Variants in KALRN observed in about 807,000 individuals in gnomAD.
KALRN encodes kalirin RhoGEF kinase, also known as kalirin.
Under a neutral mutation model 353.7 loss-of-function variants are expected in KALRN, and 70 were observed. The observed-to-expected ratio is 0.20, with a 90% CI of 0.16 to 0.24. The LOEUF (loss-of-function observed/expected upper bound fraction) is 0.24. KALRN is among the 10% of genes least tolerant of loss of function. KALRN has a pLI of 1.00. For missense variants in KALRN, 2,791 were observed against 3,756.7 expected, an observed-to-expected ratio of 0.74 and a Z score of 6.72; for synonymous variants, 1,391 against 1,434.8, an observed-to-expected ratio of 0.97 and a Z score of 0.69.
intron 1 of KALRN, among the ~76,000 whole-genome samples, chr3:124,102,736 T>C (rs1460262687): frequency 6.6e-6 from 1 of 152,202 alleles, no homozygotes; most frequent in Non-Finnish European, 1.5e-5. Flanking sequence ...ATCCTTTGTA[T>C]TTTCACCTAG....
rs1214293775 is a variant in KALRN at position 124,197,073 on chromosome 3, C to T, written c.74-30917C>T. 2.0e-5 allele frequency among the ~76,000 whole-genome samples: 3 copies of T among 152,316 alleles called. 1 individual carries two copies. Among genetic ancestry groups the T allele is most frequent in the Middle Eastern group, 6.8e-3 (2 of 294 alleles). ...TGCTACCATCATTTATTTCACTACT[C>T]TCTTAGTGTTGGACATTTTGGATTT... On this transcript the variant is annotated intron_variant, in intron 1 of 59. Coordinates refer to ENST00000682506, the MANE Select transcript of KALRN (RefSeq NM_001388419.1).
chr3:124,152,529 C>T, intron 1 of KALRN: 1 of 699,050 alleles, frequency 1.4e-6, no homozygotes, highest in Non-Finnish European at 2.5e-6. Context: ...TGTTACAGTG[C>T]TTTTCTTTTT....
At chr3:124,228,390 C>T (rs568038058) in intron 2 of KALRN, among the ~76,000 whole-genome samples, 29 of 152,196 alleles carry the variant, frequency 1.9e-4, no homozygotes, top group Non-Finnish European at 3.8e-4. Context: ...TATCTGAGTT[C>T]ATTTCTGCAT....
At chr3:124,472,687 A>G (rs984814612) in intron 25 of KALRN, among the ~76,000 whole-genome samples, 1 of 151,984 alleles carries the variant, frequency 6.6e-6, no homozygotes, top group Non-Finnish European at 1.5e-5. Context: ...TTTGGGTCTT[A>G]AACTAAGTTT....
chr3:124,408,722 A>G (rs2091856933), intron 13 of KALRN, among the ~76,000 whole-genome samples: 1 of 151,482 alleles, frequency 6.6e-6, no homozygotes, highest in South Asian at 2.1e-4. Context: ...TGGGGAAAAA[A>G]AAAAGGGAGG....
intron 14 of KALRN, among the ~76,000 whole-genome samples, chr3:124,414,228 G>A (rs979603861): frequency 2.6e-5 from 4 of 152,196 alleles, no homozygotes; most frequent in Non-Finnish European, 4.4e-5. Context: ...AATCAATGAT[G>A]GCAATCAGCA....
intron 34 of KALRN, among the ~76,000 whole-genome samples, chr3:124,591,369 C>G (rs962216032): frequency 2.0e-5 from 3 of 152,154 alleles, no homozygotes; most frequent in African/African-American, 7.2e-5. Flanking sequence ...AACTTCTGGA[C>G]ACAAGCAATC....
chr3:124,574,597 C>T (rs936529178), intron 34 of KALRN, among the ~76,000 whole-genome samples: 2 of 152,188 alleles, frequency 1.3e-5, no homozygotes, highest in African/African-American at 4.8e-5. Context: ...CCACTGACTG[C>T]TTTCTGAGAA....
At chr3:124,143,777 C>T (rs892451418) in intron 1 of KALRN, among the ~76,000 whole-genome samples, 1 of 152,050 alleles carries the variant, frequency 6.6e-6, no homozygotes, top group Non-Finnish European at 1.5e-5. Context: ...TAAAAGCTTC[C>T]AATAAAGACT....
intron 1 of KALRN, among the ~76,000 whole-genome samples, chr3:124,169,675 A>G (rs1421035022): frequency 6.6e-6 from 1 of 152,130 alleles, no homozygotes; most frequent in African/African-American, 2.4e-5. Context: ...ATGTAGTTCT[A>G]TTAGTTCAAT....
chr3:124,123,020 A>C (rs2064202865), intron 1 of KALRN, among the ~76,000 whole-genome samples: 1 of 151,968 alleles, frequency 6.6e-6, no homozygotes, highest in African/African-American at 2.4e-5. Flanking sequence ...GACCAACATG[A>C]TGAAACCCAG....
At chr3:124,128,790 C>T (rs911349068) in intron 1 of KALRN, among the ~76,000 whole-genome samples, 14 of 152,054 alleles carry the variant, frequency 9.2e-5, no homozygotes, top group African/African-American at 3.4e-4. Context: ...TTCCTACTTG[C>T]CTCCTTCTCA....
At chr3:124,328,692 A>C (rs62262827) in intron 7 of KALRN, among the ~76,000 whole-genome samples, 38,913 of 152,208 alleles carry the variant, frequency 0.26, 5,407 homozygotes, top group Middle Eastern at 0.33. Flanking sequence ...CAGGCCAGGG[A>C]CTGAAAGCTG....
intron 6 of KALRN, among the ~76,000 whole-genome samples, chr3:124,319,559 CTGAT>C (rs2079114560): frequency 6.7e-6 from 1 of 148,216 alleles, no homozygotes; most frequent in African/African-American, 2.4e-5. Context: ...CCTTTTCTCC[CTGAT>C]TATTTATATT....
At chr3:124,177,254 AT>A (rs995009779) in intron 1 of KALRN, among the ~76,000 whole-genome samples, 1 of 152,178 alleles carries the variant, frequency 6.6e-6, no homozygotes, top group African/African-American at 2.4e-5. Context: ...CAGGCCTGCC[AT>A]TTCTCAAACA....
In KALRN at chr3:124,632,568, G is replaced by A; in HGVS notation, c.5331G>A (p.Val1777=). ...NTLKKWLTSP[V]RRLNSGKADG... ...TTAAGAAGTGGCTGACGAGTCCTGT[G>A]CGTCGGCTTAACAGCGGGAAGGCAG... Residue 1777 remains valine, a synonymous_variant, in exon 35 of 60, where the codon GTG becomes GTA. Coordinates refer to ENST00000682506, the MANE Select transcript of KALRN (RefSeq NM_001388419.1). 2 of 1,614,214 alleles carry A rather than the reference G, an allele frequency of 1.2e-6. No individual in the cohort carries two copies. Among genetic ancestry groups the A allele is most frequent in the Non-Finnish European group, 8.5e-7 (1 of 1,180,034 alleles).
chr3:124,690,880 G>A (rs979613973), intron 51 of KALRN, among the ~76,000 whole-genome samples: 11 of 152,222 alleles, frequency 7.2e-5, no homozygotes, highest in Non-Finnish European at 1.6e-4. Flanking sequence ...TAATTTGAGT[G>A]TAGTCCTTAG....
rs767344058 is a variant in KALRN at position 124,674,496 on chromosome 3, T to C, written c.7075T>C (p.Cys2359Arg). ...CCTCGCCGTCAACCAGCAGAACATG[T>C]GTCTGGTGTACCAGCCTGCCAGCGA... is the stretch of plus-strand genomic sequence containing the variant. ...QVLAVNQQNM[C>R]LVYQPASDHS... The change falls in exon 49 of 60, where the codon TGT (cysteine) becomes CGT (arginine). Residue 2359 changes from cysteine to arginine, a missense_variant. By Grantham distance (180) the Cys-to-Arg change is radical. Transcript: ENST00000682506. 6.2e-7 allele frequency: 1 copy of C among 1,613,972 alleles called. No individual in the cohort carries two copies. Among genetic ancestry groups the C allele is most frequent in the African/African-American group, 1.3e-5 (1 of 74,908 alleles).
intron 1 of KALRN, chr3:124,164,013 A>T (rs1160599052): frequency 1.3e-5 from 13 of 981,176 alleles, no homozygotes; most frequent in Non-Finnish European, 1.3e-5. Context: ...TTTTGGATTT[A>T]CTGCAGAACT....
Sources: gnomAD v4.1 joint callset for allele counts (sites outside exome capture counted in the v4.1 genomes callset) on GRCh38, gnomAD v4.1.1 for gene constraint, MANE v1.5 for transcripts, NCBI Gene and HGNC (gene_info 2026-07-23, HGNC 2026-07-21) for gene names.